Variants in GRXCR1 observed in about 807,000 individuals in gnomAD.
GRXCR1 encodes the protein glutaredoxin domain-containing cysteine-rich protein 1.
A neutral mutation model predicts 27.3 loss-of-function variants in GRXCR1; 27 were observed. That is an observed-to-expected ratio of 0.99 (90% CI 0.73 to 1.37). The LOEUF (loss-of-function observed/expected upper bound fraction) is 1.37, where lower values mean the gene tolerates loss of function less well. GRXCR1 is among the 40% of genes most tolerant of loss of function. The pLI is 0.00. For missense variants in GRXCR1, 379 were observed against 354.4 expected (o/e 1.07, Z -0.56); for synonymous variants, 122 against 131.1 (o/e 0.93, Z 0.47).
rs865927096 is a variant in GRXCR1 at position 42,893,284 on chromosome 4, G to A, written c.18G>A (p.Met6Ile). 2 of 1,613,622 alleles carry A rather than the reference G, an allele frequency of 1.2e-6. No homozygotes were observed. The highest frequency in any genetic ancestry group is 1.7e-6 in the Non-Finnish European group (2 of 1,179,720). The change falls in exon 1 of 4, where the codon ATG becomes ATA. Residue 6 changes from methionine (M) to isoleucine (I), a missense_variant. Coordinates refer to ENST00000399770, the MANE Select transcript of GRXCR1 (RefSeq NM_001080476.3). MLKRE[M>I]KPESDRPRKV... Reference sequence around the variant, plus strand: ...AGGTGACCATGCTTAAAAGGGAGATGAAGCCAGAAAGTGACAGGCCACGGA... The same window carrying A: ...AGGTGACCATGCTTAAAAGGGAGATAAAGCCAGAAAGTGACAGGCCACGGA...
intron 1 of GRXCR1, among the ~76,000 whole-genome samples, chr4:42,956,677 T>C (rs559957921): frequency 6.6e-6 from 1 of 152,210 alleles, no homozygotes; most frequent in African/African-American, 2.4e-5. Context: ...AGCCTCAGTC[T>C]CCTGAGCAAG....
chr4:43,011,093 G>C (rs1366832711), intron 2 of GRXCR1, among the ~76,000 whole-genome samples: 1 of 152,100 alleles, frequency 6.6e-6, no homozygotes, highest in East Asian at 1.9e-4. Context: ...TTCCCTTCAG[G>C]ACTACAGGAA....
chr4:42,918,013 T>A (rs748617481), intron 1 of GRXCR1, among the ~76,000 whole-genome samples: 2 of 152,114 alleles, frequency 1.3e-5, no homozygotes, highest in Non-Finnish European at 2.9e-5. Flanking sequence ...CTGAAATATA[T>A]ATCTGCATAA....
intron 1 of GRXCR1, among the ~76,000 whole-genome samples, chr4:42,918,061 AT>A (rs1746924337): frequency 6.6e-6 from 1 of 152,148 alleles, no homozygotes; most frequent in Non-Finnish European, 1.5e-5. Context: ...AGAGATCAGA[AT>A]AAATACTCTT....
At chr4:42,921,220 G>A (rs1747001914) in intron 1 of GRXCR1, among the ~76,000 whole-genome samples, 1 of 151,994 alleles carries the variant, frequency 6.6e-6, no homozygotes, top group South Asian at 2.1e-4. Flanking sequence ...ATAGTGAGAA[G>A]GCATCATCTA....
intron 2 of GRXCR1, among the ~76,000 whole-genome samples, chr4:42,980,266 A>G (rs768001694): frequency 1.1e-4 from 16 of 151,854 alleles, no homozygotes; most frequent in Non-Finnish European, 2.4e-4. Context: ...TCTTTGACGT[A>G]GGTGTTTATT....
At chr4:42,955,021 A>T (rs1367263898) in intron 1 of GRXCR1, among the ~76,000 whole-genome samples, 2 of 152,082 alleles carry the variant, frequency 1.3e-5, no homozygotes, top group Non-Finnish European at 2.9e-5. Context: ...AGGGAGAGAG[A>T]GCGATATATG....
intron 1 of GRXCR1, among the ~76,000 whole-genome samples, chr4:42,914,232 G>A (rs1746834372): frequency 1.3e-5 from 2 of 152,160 alleles, no homozygotes; most frequent in Non-Finnish European, 2.9e-5. Context: ...ACCTGGAAAA[G>A]TGGAAACACT....
intron 1 of GRXCR1, among the ~76,000 whole-genome samples, chr4:42,927,124 GT>G (rs1747173433): frequency 6.6e-6 from 1 of 151,934 alleles, no homozygotes; most frequent in Non-Finnish European, 1.5e-5. Context: ...GCATTTGTTG[GT>G]TCTCAACCAT....
intron 1 of GRXCR1, among the ~76,000 whole-genome samples, chr4:42,961,808 G>T (rs748129048): frequency 2.6e-5 from 4 of 152,002 alleles, no homozygotes; most frequent in African/African-American, 7.2e-5. Context: ...AGAGTGGTCT[G>T]ATTTCTCTGC....
At chr4:42,938,395 AGT>A (rs1163475550) in intron 1 of GRXCR1, among the ~76,000 whole-genome samples, 1 of 151,980 alleles carries the variant, frequency 6.6e-6, no homozygotes, top group African/African-American at 2.4e-5. Flanking sequence ...CGAACATGGG[AGT>A]GCAAATACCT....
At chr4:42,926,989 T>C (rs1747171216) in intron 1 of GRXCR1, among the ~76,000 whole-genome samples, 4 of 152,038 alleles carry the variant, frequency 2.6e-5, no homozygotes, top group Admixed American at 6.6e-5. Flanking sequence ...TCTGGAGTTA[T>C]AAGGGAGACA....
At chr4:42,957,157 C>G (rs1748023588) in intron 1 of GRXCR1, among the ~76,000 whole-genome samples, 1 of 151,978 alleles carries the variant, frequency 6.6e-6, no homozygotes, top group South Asian at 2.1e-4. Flanking sequence ...TTTTATTCTC[C>G]CAACTTAACC....
chr4:43,015,283 C>T (rs16855219), intron 2 of GRXCR1, among the ~76,000 whole-genome samples: 3,665 of 152,076 alleles, frequency 0.024, 163 homozygotes, highest in African/African-American at 0.083. Flanking sequence ...CTAGAAGATA[C>T]TCTAACAAGT....
chr4:42,917,094 G>A (rs1295373024), intron 1 of GRXCR1, among the ~76,000 whole-genome samples: 2 of 152,138 alleles, frequency 1.3e-5, no homozygotes, highest in Non-Finnish European at 2.9e-5. Flanking sequence ...CTGATATGAA[G>A]ATGTCTTATG....
intron 2 of GRXCR1, among the ~76,000 whole-genome samples, chr4:43,016,511 A>C (rs538887827): frequency 1.6e-4 from 24 of 152,174 alleles, no homozygotes; most frequent in Non-Finnish European, 3.5e-4. Flanking sequence ...ATCTTGTAGC[A>C]TGCCCCTTTT....
At chr4:43,003,615 T>C (rs897659990) in intron 2 of GRXCR1, among the ~76,000 whole-genome samples, 10 of 152,348 alleles carry the variant, frequency 6.6e-5, no homozygotes, top group Admixed American at 3.3e-4. Flanking sequence ...TCACTCTTGT[T>C]ATGCTTTAGC....
chr4:43,003,711 G>T (rs1195244807), intron 2 of GRXCR1, among the ~76,000 whole-genome samples: 2 of 152,164 alleles, frequency 1.3e-5, no homozygotes, highest in African/African-American at 4.8e-5. Context: ...TCTGGCAGAA[G>T]AAATTTCTAA....
intron 2 of GRXCR1, among the ~76,000 whole-genome samples, chr4:42,985,559 TTC>T (rs1711687825): frequency 1.3e-5 from 2 of 152,172 alleles, no homozygotes; most frequent in African/African-American, 4.8e-5. Flanking sequence ...AACGCTCTAT[TTC>T]TGTTTTTATG....
Sources: gnomAD v4.1 joint callset for allele counts (sites outside exome capture counted in the v4.1 genomes callset) on GRCh38, gnomAD v4.1.1 for gene constraint, MANE v1.5 for transcripts, NCBI Gene and HGNC (gene_info 2026-07-23, HGNC 2026-07-21) for gene names.